SPECC1: variants seen among roughly 807,000 people sequenced by gnomAD.
SPECC1 encodes the protein sperm antigen with calponin homology and coiled-coil domains 1.
SPECC1 carries 62 observed loss-of-function variants against 104.1 expected under a neutral mutation model. That is an observed-to-expected ratio of 0.60 (90% CI 0.49 to 0.74). SPECC1 has a LOEUF of 0.74. Ranked by LOEUF, SPECC1 falls within the 30% of genes least tolerant of loss-of-function variation. SPECC1 has a pLI of 0.00. For missense variants in SPECC1, 1,306 were observed against 1,310.5 expected (o/e 1.00, Z 0.05); for synonymous variants, 513 against 501.6 (o/e 1.02, Z -0.30).
At position 20,318,508 on chromosome 17, in the gene SPECC1, C is replaced by G. The variant is rs1166483927; in HGVS notation, c.*4443C>G. 3 of 231,466 alleles carry G rather than the reference C, an allele frequency of 1.3e-5. No individual in the cohort carries two copies. Among genetic ancestry groups the G allele is most frequent in the African/African-American group, 6.6e-5 (3 of 45,210 alleles). The allele number at this position is 231,466 out of a possible 1,614,324, so 14.3% of individuals were successfully genotyped here. On this transcript the variant is annotated 3_prime_UTR_variant, in exon 15 of 15. Transcript: ENST00000395527. ...TGAGGAATCTCTGCCATGTTCTCTT[C>G]CCTGCTGCCCACAAACGTTACGGAG...
At position 20,247,258 on chromosome 17, in the gene SPECC1, G is replaced by C. The variant is rs756240088; in HGVS notation, c.2537G>C (p.Arg846Thr). ...AATATTTCTGTCCATAAGACCCCCA[G>C]AAGTCCCCTAAGTGGGATACCAGTG... ...GQNISVHKTPRSPLSGIPVRT... is the reference protein window; with the variant it reads ...GQNISVHKTPTSPLSGIPVRT... Residue 846 changes from arginine (R) to threonine (T), a missense_variant, in exon 9 of 15, where the codon AGA (arginine) becomes ACA (threonine). This residue lies in a region of SPECC1 where 1,177 missense variants were observed against 1,139.9 expected (regional missense o/e 1.03). Transcript: ENST00000395527. 12 of 1,613,770 alleles carry C rather than the reference G, an allele frequency of 7.4e-6. No individual in the cohort carries two copies. The highest frequency in any genetic ancestry group is 1.6e-4 in the Middle Eastern group (1 of 6,062).
At chr17:20,070,912 G>A (rs560157668) in intron 1 of SPECC1, among the ~76,000 whole-genome samples, 1 of 151,758 alleles carries the variant, frequency 6.6e-6, no homozygotes, top group Non-Finnish European at 1.5e-5. Flanking sequence ...GGCTCAGAGA[G>A]GCCTCTCCTA....
rs1186755242 is a variant in SPECC1, at chr17:20,317,029, C to CA, written c.*2966dup. Reference sequence around the variant, plus strand: ...AAAGGCCATGTACAATTTATTTTTACAACTCCAGGAGTTTCCCCGACTACC... The same window carrying CA: ...AAAGGCCATGTACAATTTATTTTTACAAACTCCAGGAGTTTCCCCGACTACC... On this transcript the variant is annotated 3_prime_UTR_variant, in exon 15 of 15. Coordinates refer to ENST00000395527, the MANE Select transcript of SPECC1 (RefSeq NM_001243439.2). The CA allele has an allele frequency of 5.1e-6, 1 of 196,106 alleles. No individual in the cohort carries two copies. Among genetic ancestry groups the CA allele is most frequent in the Non-Finnish European group, 1.0e-5 (1 of 97,748 alleles). 12.1% of individuals were successfully genotyped at this position (196,106 alleles called of 1,614,324 possible). A position where few individuals can be genotyped will look rare whatever the true frequency, so the allele number is the denominator to read the frequency against.
At chr17:20,102,196 C>T (rs2047976180) in intron 2 of SPECC1, among the ~76,000 whole-genome samples, 1 of 152,210 alleles carries the variant, frequency 6.6e-6, no homozygotes, top group African/African-American at 2.4e-5. Context: ...AGACTGGTAG[C>T]TTTCCTTTTG....
At chr17:20,236,820 A>C in intron 7 of SPECC1, 2 of 1,613,210 alleles carry the variant, frequency 1.2e-6, no homozygotes, top group Non-Finnish European at 1.7e-6. Context: ...GCCTTAGGTA[A>C]CTCCTTTACA....
chr17:20,185,439 G>C (rs187146253), intron 3 of SPECC1, among the ~76,000 whole-genome samples: 2 of 152,204 alleles, frequency 1.3e-5, no homozygotes, highest in Admixed American at 1.3e-4. Flanking sequence ...CTACCATGCT[G>C]GGGAGACTAC....
chr17:20,192,741 C>T (rs1308997269), intron 3 of SPECC1, among the ~76,000 whole-genome samples: 1 of 152,090 alleles, frequency 6.6e-6, no homozygotes, highest in Non-Finnish European at 1.5e-5. Context: ...CTTGCATGTT[C>T]TGTGTGTAGT....
intron 3 of SPECC1, among the ~76,000 whole-genome samples, chr17:20,136,400 G>A (rs2029971965): frequency 6.7e-6 from 1 of 149,848 alleles, no homozygotes; most frequent in South Asian, 2.1e-4. Context: ...ACTCCAGTCT[G>A]GGTGGCAGAG....
chr17:20,127,704 T>G (rs1025096112), intron 3 of SPECC1, among the ~76,000 whole-genome samples: 11 of 152,352 alleles, frequency 7.2e-5, no homozygotes, highest in African/African-American at 2.6e-4. Context: ...AGTGCAATTT[T>G]GCCATTTTTT....
intron 1 of SPECC1, among the ~76,000 whole-genome samples, chr17:20,048,197 G>T (rs1773507660): frequency 6.7e-6 from 1 of 149,970 alleles, no homozygotes; most frequent in Non-Finnish European, 1.5e-5. Flanking sequence ...GCAGTGGCGT[G>T]ATCTCGGCTC....
At chr17:20,201,249 C>G (rs1430785500) in intron 3 of SPECC1, among the ~76,000 whole-genome samples, 1 of 151,232 alleles carries the variant, frequency 6.6e-6, no homozygotes, top group Non-Finnish European at 1.5e-5. Context: ...CACCTGAGGT[C>G]AGGAGATCGA....
intron 12 of SPECC1, among the ~76,000 whole-genome samples, chr17:20,292,862 G>A (rs2041219575): frequency 6.6e-6 from 1 of 152,210 alleles, no homozygotes; most frequent in African/African-American, 2.4e-5. Context: ...CGTTATTATG[G>A]TTGTGTGTTG....
At chr17:20,114,728 C>G (rs1246532210) in intron 3 of SPECC1, among the ~76,000 whole-genome samples, 1 of 152,080 alleles carries the variant, frequency 6.6e-6, no homozygotes, top group African/African-American at 2.4e-5. Context: ...AATGACTCAT[C>G]TTTAGTATTT....
chr17:20,293,865 T>C (rs1394335261), intron 12 of SPECC1, among the ~76,000 whole-genome samples: 1 of 152,128 alleles, frequency 6.6e-6, no homozygotes, highest in Admixed American at 6.5e-5. Flanking sequence ...GGTGAGCAGG[T>C]GGCCGACAGG....
intron 3 of SPECC1, among the ~76,000 whole-genome samples, chr17:20,115,830 A>G (rs1480752207): frequency 1.3e-5 from 2 of 152,232 alleles, no homozygotes; most frequent in South Asian, 2.1e-4. Context: ...AGATAATTCA[A>G]GGTTGCTTAC....
intron 3 of SPECC1, among the ~76,000 whole-genome samples, chr17:20,188,256 C>CTTTTTT (rs67659304): frequency 2.1e-5 from 3 of 145,918 alleles, no homozygotes; most frequent in Non-Finnish European, 3.0e-5. Context: ...AAAAGACATC[C>CTTTTTT]TTTTTTTTTT....
chr17:20,204,708 G>A lies in SPECC1; in HGVS notation c.659G>A (p.Gly220Asp). 6 of 1,614,072 alleles carry A rather than the reference G, an allele frequency of 3.7e-6. No individual in the cohort carries two copies. The highest frequency in any genetic ancestry group is 5.1e-6 in the Non-Finnish European group (6 of 1,180,006). The stretch of plus-strand genomic sequence containing the variant: ...GTCGATGGAACATCAGTCTCCCCAG[G>A]TGACACGGAACCTATGATAAGAGCT... ...PNVDGTSVSP[G>D]DTEPMIRALE... Residue 220 changes from glycine (G) to aspartate (D), a missense_variant, in exon 4 of 15, where the codon GGT becomes GAT. By Grantham distance (94) the Gly-to-Asp change is moderately conservative. Transcript: ENST00000395527.
At chr17:20,209,789 T>A (rs997303769) in intron 4 of SPECC1, among the ~76,000 whole-genome samples, 4 of 152,248 alleles carry the variant, frequency 2.6e-5, no homozygotes, top group Admixed American at 6.5e-5. Context: ...GACAATAACA[T>A]GACCCAGCTT....
intron 12 of SPECC1, among the ~76,000 whole-genome samples, chr17:20,289,467 A>T (rs1379749561): frequency 6.6e-6 from 1 of 151,842 alleles, no homozygotes; most frequent in South Asian, 2.1e-4. Context: ...ATGCCTGGCT[A>T]ATTTTTTGTA....
Sources: allele counts gnomAD v4.1 joint callset (sites outside exome capture counted in the v4.1 genomes callset), GRCh38; gene constraint gnomAD v4.1.1; regional missense constraint gnomAD v4.1.1; transcripts MANE v1.5; gene names NCBI Gene and HGNC (gene_info 2026-07-23, HGNC 2026-07-21).